GSK3B: variants seen among roughly 807,000 people sequenced by gnomAD.
GSK3B encodes glycogen synthase kinase 3 beta, also known as glycogen synthase kinase-3 beta.
Under a neutral mutation model 56.4 loss-of-function variants are expected in GSK3B, and 15 were observed. That is an observed-to-expected ratio of 0.27 (90% CI 0.18 to 0.41). The LOEUF (loss-of-function observed/expected upper bound fraction) is 0.41, where lower values mean the gene tolerates loss of function less well. GSK3B is among the 10% of genes least tolerant of loss of function. The probability of loss-of-function intolerance (pLI) is 1.00; values close to 1 mark genes in which losing one functional copy is unlikely to be tolerated. For synonymous variants in GSK3B, 181 were observed against 188.9 expected (o/e 0.96, Z 0.34); for missense variants, 300 against 513.4 (o/e 0.58, Z 4.02).
intron 2 of GSK3B, among the ~76,000 whole-genome samples, chr3:119,950,401 T>C (rs1304663161): frequency 5.9e-5 from 9 of 152,196 alleles, no homozygotes; most frequent in Non-Finnish European, 1.3e-4. Flanking sequence ...GGAAGATGGT[T>C]ACAGGGAACT....
intron 4 of GSK3B, among the ~76,000 whole-genome samples, chr3:119,920,440 C>T (rs1304784726): frequency 6.6e-6 from 1 of 151,940 alleles, no homozygotes; most frequent in Non-Finnish European, 1.5e-5. Flanking sequence ...GGGGTCTCGC[C>T]ATGTTGGCCA....
intron 1 of GSK3B, among the ~76,000 whole-genome samples, chr3:120,022,953 C>T (rs754302401): frequency 2.0e-5 from 3 of 152,114 alleles, no homozygotes; most frequent in Non-Finnish European, 2.9e-5. Flanking sequence ...ACTCATTATT[C>T]GCAGTGTCAA....
At chr3:120,037,028 A>C (rs2058029046) in intron 1 of GSK3B, among the ~76,000 whole-genome samples, 2 of 152,236 alleles carry the variant, frequency 1.3e-5, no homozygotes, top group African/African-American at 4.8e-5. Context: ...ATAACTCAGC[A>C]GAACAGCAGT....
At chr3:120,027,342 A>C (rs1321699216) in intron 1 of GSK3B, among the ~76,000 whole-genome samples, 1 of 151,056 alleles carries the variant, frequency 6.6e-6, no homozygotes, top group Non-Finnish European at 1.5e-5. Context: ...ACGCCACAGC[A>C]CTCCAGCCTG....
intron 10 of GSK3B, among the ~76,000 whole-genome samples, chr3:119,841,020 G>A (rs992111265): frequency 6.6e-6 from 1 of 151,860 alleles, no homozygotes; most frequent in Non-Finnish European, 1.5e-5. Context: ...TATCCTCTTC[G>A]GTAACTATTA....
intron 2 of GSK3B, among the ~76,000 whole-genome samples, chr3:119,997,514 T>C (rs2057631440): frequency 6.6e-6 from 1 of 152,228 alleles, no homozygotes; most frequent in Non-Finnish European, 1.5e-5. Context: ...ATCACATTTC[T>C]GGATGGGAAG....
At chr3:120,056,396 C>G (rs1174736096) in intron 1 of GSK3B, among the ~76,000 whole-genome samples, 1 of 152,146 alleles carries the variant, frequency 6.6e-6, no homozygotes, top group Non-Finnish European at 1.5e-5. Flanking sequence ...TGGAGATGCA[C>G]TAGTACGATC....
chr3:119,861,973 A>T (rs1037667342), intron 9 of GSK3B, among the ~76,000 whole-genome samples: 4 of 152,202 alleles, frequency 2.6e-5, no homozygotes, highest in Non-Finnish European at 5.9e-5. Context: ...TACACATTAC[A>T]TCCAAATACA....
chr3:120,065,781 C>T (rs2058272955), intron 1 of GSK3B, among the ~76,000 whole-genome samples: 1 of 152,014 alleles, frequency 6.6e-6, no homozygotes, highest in South Asian at 2.1e-4. Flanking sequence ...TAAACAGGAA[C>T]GAAGTACTGA....
chr3:119,955,741 C>T (rs1392968756), intron 2 of GSK3B, among the ~76,000 whole-genome samples: 2 of 152,078 alleles, frequency 1.3e-5, no homozygotes, highest in African/African-American at 4.8e-5. Context: ...GCAACCTCCG[C>T]CTCCTGGGTT....
intron 2 of GSK3B, among the ~76,000 whole-genome samples, chr3:119,992,386 T>C (rs1281817622): frequency 6.6e-6 from 1 of 152,082 alleles, no homozygotes; most frequent in African/African-American, 2.4e-5. Context: ...TTCTACTAAA[T>C]TGTACCCAGA....
intron 10 of GSK3B, among the ~76,000 whole-genome samples, chr3:119,835,368 T>A (rs1407597525): frequency 6.6e-6 from 1 of 152,208 alleles, no homozygotes; most frequent in Non-Finnish European, 1.5e-5. Flanking sequence ...TGCAAAGATA[T>A]CTTCAAAGCA....
chr3:119,941,302 A>G (rs6790162), intron 3 of GSK3B, among the ~76,000 whole-genome samples: 152,360 of 152,364 alleles, frequency 1, 76,178 homozygotes, highest in Middle Eastern at 1. Context: ...ACAGGCGTAA[A>G]CCACCTTGAC....
chr3:119,870,484 A>G (rs2056236777), intron 8 of GSK3B, among the ~76,000 whole-genome samples: 1 of 152,192 alleles, frequency 6.6e-6, no homozygotes, highest in Admixed American at 6.5e-5. Flanking sequence ...GCCTCCCACA[A>G]GCAATCTGAA....
chr3:119,980,164 G>A (rs147360346), intron 2 of GSK3B, among the ~76,000 whole-genome samples: 2 of 152,236 alleles, frequency 1.3e-5, no homozygotes, highest in East Asian at 3.9e-4. Context: ...TTCAGTTCAC[G>A]TGACCTTAAT....
chr3:119,934,572 G>A (rs953252250), intron 3 of GSK3B, among the ~76,000 whole-genome samples: 2 of 152,186 alleles, frequency 1.3e-5, no homozygotes, highest in East Asian at 1.9e-4. Flanking sequence ...CTTTGTAAAT[G>A]TAATGTGGTA....
intron 1 of GSK3B, among the ~76,000 whole-genome samples, chr3:120,079,918 G>A (rs76026646): frequency 6.6e-6 from 1 of 152,124 alleles, no homozygotes; most frequent in African/African-American, 2.4e-5. Flanking sequence ...TTTAATCACA[G>A]AAGGAAATAC....
intron 10 of GSK3B, among the ~76,000 whole-genome samples, chr3:119,836,487 T>G (rs1244850985): frequency 6.6e-6 from 1 of 152,082 alleles, no homozygotes; most frequent in Non-Finnish European, 1.5e-5. Context: ...CAATCTATAG[T>G]CCAAGAAACA....
intron 3 of GSK3B, among the ~76,000 whole-genome samples, chr3:119,942,177 T>C (rs1056151888): frequency 2.6e-5 from 4 of 152,188 alleles, no homozygotes; most frequent in African/African-American, 9.7e-5. Context: ...AAGTAATCTA[T>C]GAACCACAAG....
Sources: gnomAD v4.1 joint callset for allele counts (sites outside exome capture counted in the v4.1 genomes callset) on GRCh38, gnomAD v4.1.1 for gene constraint, MANE v1.5 for transcripts, NCBI Gene and HGNC (gene_info 2026-07-23, HGNC 2026-07-21) for gene names.